ZCCHC24: variants seen among roughly 807,000 people sequenced by gnomAD.
ZCCHC24 encodes zinc finger CCHC domain-containing protein 24.
In ZCCHC24, 10 loss-of-function variants were observed where a neutral mutation model predicts 26.2. The observed-to-expected ratio is 0.38, with a 90% confidence interval of 0.24 to 0.65. The LOEUF (loss-of-function observed/expected upper bound fraction) is 0.65, where lower values mean the gene tolerates loss of function less well. Ranked by LOEUF, ZCCHC24 falls within the 30% of genes least tolerant of loss-of-function variation. The probability of loss-of-function intolerance (pLI) is 0.54; values close to 1 mark genes in which losing one functional copy is unlikely to be tolerated. For missense variants in ZCCHC24, 243 were observed against 329.1 expected (o/e 0.74, Z 2.03); for synonymous variants, 144 against 147.1 (o/e 0.98, Z 0.15).
chr10:79,415,853 C>T (rs1856852349), intron 2 of ZCCHC24, among the ~76,000 whole-genome samples: 1 of 152,184 alleles, frequency 6.6e-6, no homozygotes, highest in Non-Finnish European at 1.5e-5. Flanking sequence ...AATTTCCTGC[C>T]AAGAACCCCT....
chr10:79,394,538 T>A, intron 2 of ZCCHC24, 98 bp from the exon 3 acceptor site: 1 of 1,523,272 alleles, frequency 6.6e-7, no homozygotes, highest in African/African-American at 1.4e-5. Context: ...TCATGTCCTG[T>A]GTCCATGTGT....
At chr10:79,419,036 C>T (rs907502897) in intron 2 of ZCCHC24, among the ~76,000 whole-genome samples, 2 of 152,194 alleles carry the variant, frequency 1.3e-5, no homozygotes, top group East Asian at 1.9e-4. Flanking sequence ...CGCACGTTTG[C>T]ATGTGTGCAC....
At chr10:79,386,500 GAGAA>G (rs751378943) in intron 3 of ZCCHC24, 42 bp from the exon 4 acceptor site, 1 of 1,480,556 alleles carries the variant, frequency 6.8e-7, no homozygotes, top group Non-Finnish European at 9.2e-7. Flanking sequence ...AGTGAGGGGA[GAGAA>G]AGACAGAAAC....
intron 2 of ZCCHC24, among the ~76,000 whole-genome samples, chr10:79,432,012 A>G (rs1285365253): frequency 6.6e-6 from 1 of 152,124 alleles, no homozygotes; most frequent in African/African-American, 2.4e-5. Flanking sequence ...CAAGAAAGAG[A>G]TGCTCCGCCC....
At chr10:79,405,077 C>A (rs534566022) in intron 2 of ZCCHC24, among the ~76,000 whole-genome samples, 112 of 152,300 alleles carry the variant, frequency 7.4e-4, no homozygotes, top group Non-Finnish European at 6.3e-4. Flanking sequence ...ACCCACCCGC[C>A]GCCTTGCCCT....
chr10:79,403,082 C>CGTGA (rs1442076954), intron 2 of ZCCHC24, among the ~76,000 whole-genome samples: 1 of 152,234 alleles, frequency 6.6e-6, no homozygotes, highest in East Asian at 1.9e-4. Context: ...TTTCCCCAAC[C>CGTGA]GTGACCCACA....
Position 79,432,597 on chromosome 10 carries a change from C to A in ZCCHC24, c.408G>T (p.Leu136=). Residue 136 remains leucine, a synonymous_variant, in exon 2 of 4, where the codon CTG becomes CTT. Transcript: ENST00000372336. ...KRPPPNYLCH[L]CFNKGHYIKD... ...TGATGTAGTGTCCTTTGTTGAAGCA[C>A]AGGTGGCACAGGTAGTTGGGTGGGG... The A allele has an allele frequency of 6.2e-7, 1 of 1,606,758 alleles. No homozygotes were observed. The highest frequency in any genetic ancestry group is 1.1e-5 in the South Asian group (1 of 90,270).
intron 2 of ZCCHC24, among the ~76,000 whole-genome samples, chr10:79,420,490 G>A (rs981051502): frequency 2.0e-5 from 3 of 152,132 alleles, no homozygotes; most frequent in Admixed American, 6.5e-5. Context: ...TAATAATAAC[G>A]ACAGTAGGCT....
At chr10:79,432,516 T>G in intron 2 of ZCCHC24, 42 bp downstream of exon 2, 1 of 1,577,010 alleles carries the variant, frequency 6.3e-7, no homozygotes, top group South Asian at 1.1e-5. Flanking sequence ...CGCAGGTCAG[T>G]AGGGGAGCCC....
intron 1 of ZCCHC24, among the ~76,000 whole-genome samples, chr10:79,444,874 A>G (rs1188700578): frequency 3.9e-5 from 6 of 152,166 alleles, no homozygotes; most frequent in Non-Finnish European, 8.8e-5. Flanking sequence ...TCTGAAGAAA[A>G]TCCGGAGACA....
At chr10:79,437,710 A>T (rs1206022192) in intron 1 of ZCCHC24, among the ~76,000 whole-genome samples, 1 of 152,222 alleles carries the variant, frequency 6.6e-6, no homozygotes, top group South Asian at 2.1e-4. Flanking sequence ...TCTGCGCTGC[A>T]TGAGGGGTGC....
At chr10:79,442,662 C>T (rs1387574731) in intron 1 of ZCCHC24, among the ~76,000 whole-genome samples, 3 of 152,200 alleles carry the variant, frequency 2.0e-5, no homozygotes, top group African/African-American at 7.2e-5. Flanking sequence ...TCCTGGGCCC[C>T]CTGGGTCCCT....
intron 2 of ZCCHC24, among the ~76,000 whole-genome samples, chr10:79,406,787 G>A (rs1222271311): frequency 6.6e-6 from 1 of 152,214 alleles, no homozygotes; most frequent in Non-Finnish European, 1.5e-5. Flanking sequence ...ACTGACTGCT[G>A]CAACGCCGCA....
At chr10:79,411,505 A>T (rs1856791180) in intron 2 of ZCCHC24, among the ~76,000 whole-genome samples, 1 of 152,188 alleles carries the variant, frequency 6.6e-6, no homozygotes, top group Non-Finnish European at 1.5e-5. Flanking sequence ...TCTGCAGCGG[A>T]AGAAAACCCA....
intron 1 of ZCCHC24, among the ~76,000 whole-genome samples, chr10:79,441,550 G>A (rs6480942): frequency 0.27 from 40,615 of 151,808 alleles, 5,770 homozygotes; most frequent in African/African-American, 0.35. Flanking sequence ...GACACTGACA[G>A]GTGTCCTGAG....
At chr10:79,416,620 G>A (rs929513036) in intron 2 of ZCCHC24, among the ~76,000 whole-genome samples, 1 of 152,244 alleles carries the variant, frequency 6.6e-6, no homozygotes, top group African/African-American at 2.4e-5. Context: ...AGGATGCTCA[G>A]TCAACATTAG....
chr10:79,428,390 G>GTATTTCAGTTTTGCAAGATAAAT (rs1857064094), intron 2 of ZCCHC24, among the ~76,000 whole-genome samples: 1 of 90,090 alleles, frequency 1.1e-5, no homozygotes, highest in South Asian at 4.3e-4. Context: ...AATGGGTACA[G>GTATTTCAGTTTTGCAAGATAAAT]TATTTCAGTT....
chr10:79,397,812 G>T (rs1461551078), intron 2 of ZCCHC24, among the ~76,000 whole-genome samples: 2 of 152,152 alleles, frequency 1.3e-5, no homozygotes, highest in Non-Finnish European at 2.9e-5. Flanking sequence ...CAGAAGGAGG[G>T]GTCAAGTCAT....
intron 2 of ZCCHC24, among the ~76,000 whole-genome samples, chr10:79,427,632 C>T (rs998858003): frequency 8.1e-5 from 12 of 148,578 alleles, no homozygotes; most frequent in African/African-American, 3.0e-4. Flanking sequence ...AAAAAAAATG[C>T]CCTGTGATAA....
Sources: allele counts gnomAD v4.1 joint callset (sites outside exome capture counted in the v4.1 genomes callset), GRCh38; gene constraint gnomAD v4.1.1; transcripts MANE v1.5; gene names NCBI Gene and HGNC (gene_info 2026-07-23, HGNC 2026-07-21).